MROH7: variants seen among roughly 807,000 people sequenced by gnomAD.
MROH7 encodes the protein maestro heat-like repeat-containing protein family member 7.
Under a neutral mutation model 129.2 loss-of-function variants are expected in MROH7, and 113 were observed. The observed-to-expected ratio is 0.87, with a 90% CI of 0.75 to 1.02. The LOEUF (loss-of-function observed/expected upper bound fraction) is 1.02. Ranked by LOEUF, MROH7 falls within the 50% of genes least tolerant of loss-of-function variation. MROH7 has a pLI of 0.00. For missense variants in MROH7, 1,601 were observed against 1,671.3 expected (o/e 0.96, Z 0.73); for synonymous variants, 655 against 667.9 (o/e 0.98, Z 0.30).
chr1:54,695,717 C>T (rs1369501500), intron 17 of MROH7: 1 of 577,554 alleles, frequency 1.7e-6, no homozygotes, highest in Non-Finnish European at 3.2e-6. Context: ...GCCCAGGGAA[C>T]CACCAACCTT....
intron 19 of MROH7, 66 bp from the exon 20 acceptor site, chr1:54,702,024 C>A: frequency 7.3e-7 from 1 of 1,378,632 alleles, no homozygotes; most frequent in East Asian, 2.6e-5. Context: ...AACAATGGCT[C>A]TGAATCAGCC....
At chr1:54,691,448 G>C (rs1280037771) in intron 15 of MROH7, among the ~76,000 whole-genome samples, 1 of 152,160 alleles carries the variant, frequency 6.6e-6, no homozygotes, top group Non-Finnish European at 1.5e-5. Context: ...AAATGTTTAG[G>C]TTTCTGGAAA....
Position 54,695,377 on chromosome 1 carries a change from G to A in MROH7, c.2851G>A (p.Ala951Thr). 6 of 1,605,724 alleles carry A rather than the reference G, an allele frequency of 3.7e-6. No individual in the cohort carries two copies. Among genetic ancestry groups the A allele is most frequent in the Non-Finnish European group, 5.1e-6 (6 of 1,174,220 alleles). ...HHRGVALLAR[A>T]MVQYSCQELC... is the part of the protein sequence containing the mutation. ...ACTACTCCCCCTTCCCACCCCCAGG[G>A]CCATGGTGCAGTACTCCTGCCAGGA... The change falls in exon 17 of 24, where the codon GCC (alanine) becomes ACC (threonine). Residue 951 changes from alanine (A) to threonine (T), a missense_variant and splice_region_variant. Physicochemically the swap from Ala to Thr is moderately conservative, Grantham distance 58 (BLOSUM62 0). Transcript: ENST00000421030.
At chr1:54,702,439 T>TA (rs1020298102) in intron 20 of MROH7, among the ~76,000 whole-genome samples, 184 bp from the exon 21 acceptor site, 3 of 151,924 alleles carry the variant, frequency 2.0e-5, no homozygotes, top group African/African-American at 7.3e-5. Context: ...AGCTGATGTA[T>TA]AAAAAAAGAA....
chr1:54,645,700 T>G (rs1270305787), intron 1 of MROH7, among the ~76,000 whole-genome samples: 1 of 143,342 alleles, frequency 7.0e-6, no homozygotes, highest in African/African-American at 2.6e-5. Flanking sequence ...TTGTCCGGGC[T>G]GGAGTGCAAC....
At chr1:54,650,966 C>T (rs937150813) in intron 1 of MROH7, among the ~76,000 whole-genome samples, 1 of 152,126 alleles carries the variant, frequency 6.6e-6, no homozygotes, top group African/African-American at 2.4e-5. Flanking sequence ...CTCAAACAAT[C>T]CTCCTGCGTC....
chr1:54,690,477 A>ACT (rs1216979457), intron 15 of MROH7, among the ~76,000 whole-genome samples: 1 of 145,858 alleles, frequency 6.9e-6, no homozygotes, highest in African/African-American at 2.6e-5. Context: ...ACGGAGTCTC[A>ACT]CTGTCGCCCA....
At chr1:54,680,984 CAT>C (rs1645061246) in intron 13 of MROH7, among the ~76,000 whole-genome samples, 1 of 152,038 alleles carries the variant, frequency 6.6e-6, no homozygotes, top group South Asian at 2.1e-4. Flanking sequence ...CAGTCAGACT[CAT>C]AAGACTACTG....
chr1:54,692,159 A>G (rs116366911), intron 15 of MROH7, among the ~76,000 whole-genome samples: 2,314 of 152,346 alleles, frequency 0.015, 49 homozygotes, highest in African/African-American at 0.054. Flanking sequence ...TGGCTGATGC[A>G]TAGTGGAGGG....
At position 54,676,535 on chromosome 1, in the gene MROH7, G is replaced by C. The variant is rs557892171; in HGVS notation, c.1937-2207G>C. On this transcript the variant is annotated intron_variant, in intron 10 of 23. Transcript: ENST00000421030. ...AGCGATTCTCCTGCCTCAGCCTCCC[G>C]AGTAGCTGGGACTACAGGTGGCTAA... 8.5e-5 allele frequency among the ~76,000 whole-genome samples: 13 copies of C among 152,050 alleles called. No individual in the cohort carries two copies. In the South Asian group the frequency reaches 2.7e-3, roughly 32 times the overall value.
intron 17 of MROH7, chr1:54,697,849 G>A (rs41312722): frequency 3.5e-4 from 191 of 545,068 alleles, no homozygotes; most frequent in Admixed American, 1.5e-3. Flanking sequence ...GGAGAGGAGG[G>A]AGGGTGGATC....
At chr1:54,688,272 A>ATGT (rs1182231711) in intron 15 of MROH7, among the ~76,000 whole-genome samples, 1 of 145,306 alleles carries the variant, frequency 6.9e-6, no homozygotes, top group Non-Finnish European at 1.5e-5. Flanking sequence ...AAGTCTTGCC[A>ATGT]TGTTGCCCAG....
intron 21 of MROH7, among the ~76,000 whole-genome samples, chr1:54,705,045 G>A (rs934795146): frequency 6.6e-6 from 1 of 151,782 alleles, no homozygotes; most frequent in Non-Finnish European, 1.5e-5. Flanking sequence ...GTGATCTGCC[G>A]CCTCAGCCTC....
At chr1:54,651,887 T>G (rs1041454801) in intron 1 of MROH7, 62 bp from the exon 2 acceptor site, 3 of 151,982 alleles carry the variant, frequency 2.0e-5, no homozygotes, top group Non-Finnish European at 4.4e-5. Context: ...CTGTGGACTG[T>G]GCAGTAAGTG....
Position 54,696,659 on chromosome 1 carries a change from C to CTTTTTTTTTTT in MROH7, c.2964+1189_2964+1199dup, listed in dbSNP as rs1157748080. Among the ~76,000 whole-genome samples the CTTTTTTTTTTT allele has an allele frequency of 1.6e-4, 11 of 66,894 alleles. 3 individuals are homozygous for CTTTTTTTTTTT. Among genetic ancestry groups the CTTTTTTTTTTT allele is most frequent in the African/African-American group, 5.5e-4 (8 of 14,624 alleles). 43.9% of individuals were successfully genotyped at this position (66,894 alleles called of 152,430 possible). On this transcript the variant is annotated intron_variant, in intron 17 of 23. Coordinates refer to ENST00000421030, the MANE Select transcript of MROH7 (RefSeq NM_001039464.4). ...TGTTGCATGCATCACAATTTCCTTA[C>CTTTTTTTTTTT]TTTTTTTTTTTTTTTTTTTTTTTTT... is the stretch of plus-strand genomic sequence containing the variant.
At chr1:54,679,825 C>T (rs1418681804) in intron 12 of MROH7, 66 bp from the exon 13 acceptor site, 2 of 1,508,566 alleles carry the variant, frequency 1.3e-6, no homozygotes, top group African/African-American at 2.7e-5. Context: ...CTCCTCCCAC[C>T]TTCCTGCTGC....
At chr1:54,694,197 T>TATC (rs1475395750) in intron 16 of MROH7, among the ~76,000 whole-genome samples, 1 of 152,224 alleles carries the variant, frequency 6.6e-6, no homozygotes, top group Non-Finnish European at 1.5e-5. Context: ...GCACTATTAT[T>TATC]ATCCCAGCAT....
rs562656308 is a variant in MROH7 at position 54,656,641 on chromosome 1, G to A, written c.1231+2484G>A. Among the ~76,000 whole-genome samples the A allele has an allele frequency of 1.4e-4, 22 of 151,758 alleles. No homozygotes were observed. In the South Asian group the frequency reaches 4.6e-3, roughly 32 times the overall value. On this transcript the variant is annotated intron_variant, in intron 3 of 23. Transcript: ENST00000421030. Reference sequence around the variant, plus strand: ...AGTTTGAGACCAGCCTGGCCAACATGGTGAAACCCTGTCTCTACTAAAAAT... The same window carrying A: ...AGTTTGAGACCAGCCTGGCCAACATAGTGAAACCCTGTCTCTACTAAAAAT...
chr1:54,646,428 A>G (rs1190363573), intron 1 of MROH7, among the ~76,000 whole-genome samples: 5 of 152,160 alleles, frequency 3.3e-5, no homozygotes, highest in African/African-American at 1.2e-4. Flanking sequence ...TGTGGTGCCC[A>G]GTTTGGGTTA....
Sources: allele counts gnomAD v4.1 joint callset (sites outside exome capture counted in the v4.1 genomes callset), GRCh38; gene constraint gnomAD v4.1.1; transcripts MANE v1.5; gene names NCBI Gene and HGNC (gene_info 2026-07-23, HGNC 2026-07-21).